TNPO3: variants seen among roughly 807,000 people sequenced by gnomAD.
The protein encoded by TNPO3 is transportin 3, also known as transportin-3.
A neutral mutation model predicts 122.8 loss-of-function variants in TNPO3; 65 were observed. The observed-to-expected ratio is 0.53, with a 90% CI of 0.43 to 0.65. The LOEUF (loss-of-function observed/expected upper bound fraction) is 0.65, where lower values mean the gene tolerates loss of function less well. TNPO3 is among the 30% of genes least tolerant of loss of function. The pLI is 0.00. For synonymous variants in TNPO3, 372 were observed against 411.2 expected (o/e 0.90, Z 1.15); for missense variants, 850 against 1,136.7 (o/e 0.75, Z 3.63).
intron 1 of TNPO3, among the ~76,000 whole-genome samples, chr7:129,032,893 C>T (rs1158206257): frequency 6.6e-6 from 1 of 152,074 alleles, no homozygotes; most frequent in African/African-American, 2.4e-5. Context: ...ATAGCCAAAA[C>T]AATCTTAAAA....
chr7:129,050,839 C>G (rs918984186), intron 1 of TNPO3, among the ~76,000 whole-genome samples: 1 of 152,120 alleles, frequency 6.6e-6, no homozygotes, highest in Non-Finnish European at 1.5e-5. Context: ...TGAAGGTTCC[C>G]TTCTCGATGA....
intron 5 of TNPO3, among the ~76,000 whole-genome samples, chr7:129,002,376 C>T (rs996979212): frequency 6.6e-6 from 1 of 152,086 alleles, no homozygotes; most frequent in Admixed American, 6.5e-5. Flanking sequence ...CAGAGCAGAC[C>T]AAAAGGTCCA....
At chr7:128,993,477 G>A (rs1205893038) in intron 9 of TNPO3, among the ~76,000 whole-genome samples, 2 of 152,164 alleles carry the variant, frequency 1.3e-5, no homozygotes, top group Admixed American at 6.5e-5. Context: ...CTTGCCTATT[G>A]TTCCTGGCTA....
At chr7:128,966,199 A>G (rs1052380362) in intron 21 of TNPO3, among the ~76,000 whole-genome samples, 2 of 152,170 alleles carry the variant, frequency 1.3e-5, no homozygotes, top group Admixed American at 6.5e-5. Context: ...GTATTATCAC[A>G]TATTTCTTCT....
intron 1 of TNPO3, among the ~76,000 whole-genome samples, chr7:129,021,561 A>G: frequency 6.6e-6 from 1 of 152,120 alleles, no homozygotes; most frequent in Admixed American, 6.6e-5. Context: ...AAGGAAGAAA[A>G]GGTTGGAAGT....
At chr7:128,955,905 T>G (rs1185298843) in intron 22 of TNPO3, among the ~76,000 whole-genome samples, 1 of 152,218 alleles carries the variant, frequency 6.6e-6, no homozygotes, top group Non-Finnish European at 1.5e-5. Context: ...CACGAATAAC[T>G]GTCAGGCAAA....
intron 1 of TNPO3, among the ~76,000 whole-genome samples, chr7:129,020,198 G>T (rs886312718): frequency 6.6e-6 from 1 of 151,674 alleles, no homozygotes; most frequent in African/African-American, 2.4e-5. Flanking sequence ...AAGTAAGCAT[G>T]AGGTGTTAAC....
chr7:128,967,057 T>C (rs1049594718), intron 21 of TNPO3, among the ~76,000 whole-genome samples: 3 of 152,182 alleles, frequency 2.0e-5, no homozygotes, highest in Non-Finnish European at 4.4e-5. Context: ...GTGCCTCCAC[T>C]TACCGTTAAA....
intron 1 of TNPO3, among the ~76,000 whole-genome samples, chr7:129,044,845 C>A (rs1807829809): frequency 1.3e-5 from 2 of 152,152 alleles, no homozygotes; most frequent in Non-Finnish European, 2.9e-5. Flanking sequence ...TACAGCAATT[C>A]TAATTCTAGG....
At chr7:129,053,497 A>G (rs908385289) in intron 1 of TNPO3, among the ~76,000 whole-genome samples, 1 of 150,134 alleles carries the variant, frequency 6.7e-6, no homozygotes, top group Admixed American at 6.6e-5. Flanking sequence ...TCTGTCTCAA[A>G]AAAAAAAAAA....
chr7:129,015,176 A>C (rs1803692851), intron 3 of TNPO3, 41 bp from the exon 4 acceptor site: 2 of 1,589,626 alleles, frequency 1.3e-6, no homozygotes, highest in Non-Finnish European at 1.7e-6. Flanking sequence ...TTATAGCCAG[A>C]AAATACACAA....
intron 1 of TNPO3, among the ~76,000 whole-genome samples, chr7:129,036,602 T>G (rs1806710075): frequency 6.6e-6 from 1 of 152,120 alleles, no homozygotes; most frequent in African/African-American, 2.4e-5. Flanking sequence ...GTGACAACAT[T>G]TTAGTTTATT....
In TNPO3 at chr7:128,962,813, G is replaced by GTT. The variant is rs5887399; in HGVS notation, c.2711+4465_2711+4466dup. Among the ~76,000 whole-genome samples the GTT allele has an allele frequency of 3.8e-4, 57 of 150,600 alleles. 1 individual carries two copies. The highest frequency in any genetic ancestry group is 3.4e-3 in the Middle Eastern group (1 of 290). On this transcript the variant is annotated intron_variant, in intron 21 of 22. Coordinates refer to ENST00000265388, the MANE Select transcript of TNPO3 (RefSeq NM_012470.4). Reference sequence around the variant, plus strand: ...CCATATCACAGGACAAAGATAACAGGTTTTTTTTTTCCCCCACAGCACTGC... The same window carrying GTT: ...CCATATCACAGGACAAAGATAACAGGTTTTTTTTTTTTCCCCCACAGCACTGC...
intron 21 of TNPO3, among the ~76,000 whole-genome samples, chr7:128,958,809 G>C (rs1001436576): frequency 6.6e-6 from 1 of 152,192 alleles, no homozygotes; most frequent in Non-Finnish European, 1.5e-5. Context: ...GCTCATGCTT[G>C]TAATCCCAAC....
At chr7:129,028,472 A>T (rs1805527389) in intron 1 of TNPO3, among the ~76,000 whole-genome samples, 1 of 152,224 alleles carries the variant, frequency 6.6e-6, no homozygotes, top group Non-Finnish European at 1.5e-5. Context: ...GAACAAACTA[A>T]ATCCAAAGCT....
intron 18 of TNPO3, among the ~76,000 whole-genome samples, chr7:128,972,863 A>C (rs1429587808): frequency 6.6e-6 from 1 of 152,166 alleles, no homozygotes; most frequent in Non-Finnish European, 1.5e-5. Context: ...TTGGGTGATA[A>C]TGATGTGTTC....
At chr7:129,044,359 C>A (rs1004068538) in intron 1 of TNPO3, among the ~76,000 whole-genome samples, 2 of 151,998 alleles carry the variant, frequency 1.3e-5, no homozygotes, top group Non-Finnish European at 2.9e-5. Context: ...ACAGAAAATA[C>A]AACTAGGAAG....
chr7:129,036,414 G>T (rs933433314), intron 1 of TNPO3, among the ~76,000 whole-genome samples: 3 of 149,596 alleles, frequency 2.0e-5, no homozygotes, highest in African/African-American at 7.4e-5. Flanking sequence ...CATCATAAAA[G>T]AAAAAAAAAT....
At chr7:128,997,082 C>G (rs1365095752) in intron 8 of TNPO3, among the ~76,000 whole-genome samples, 1 of 151,988 alleles carries the variant, frequency 6.6e-6, no homozygotes, top group Non-Finnish European at 1.5e-5. Context: ...TCAGTATAAG[C>G]TGTAGAGTCT....
Sources: allele counts gnomAD v4.1 joint callset (sites outside exome capture counted in the v4.1 genomes callset), GRCh38; gene constraint gnomAD v4.1.1; transcripts MANE v1.5; gene names NCBI Gene and HGNC (gene_info 2026-07-23, HGNC 2026-07-21).